The following ECPAS variants were observed in gnomAD, a reference collection of about 807,000 sequenced individuals.
ECPAS encodes the protein Ecm29 proteasome adaptor and scaffold, also known as proteasome adapter and scaffold protein ECM29.
ECPAS carries 70 observed loss-of-function variants against 255.1 expected under a neutral mutation model. The ratio of observed to expected loss-of-function variants is 0.27; its 90% confidence interval spans 0.23 to 0.33. The LOEUF (loss-of-function observed/expected upper bound fraction) is 0.33. Ranked by LOEUF, ECPAS falls within the 10% of genes least tolerant of loss-of-function variation. The pLI is 1.00. For synonymous variants in ECPAS, 784 were observed against 775.0 expected, an observed-to-expected ratio of 1.01 and a Z score of -0.19; for missense variants, 1,817 against 2,206.4, an observed-to-expected ratio of 0.82 and a Z score of 3.54.
chr9:111,374,387 C>T (rs190528739), intron 38 of ECPAS, among the ~76,000 whole-genome samples: 129 of 152,202 alleles, frequency 8.5e-4, no homozygotes, highest in African/African-American at 2.5e-3. Flanking sequence ...CATCACAGTG[C>T]TTTACTATTT....
At chr9:111,408,730 T>G in intron 23 of ECPAS, 58 bp from the exon 24 acceptor site, 1 of 1,029,348 alleles carries the variant, frequency 9.7e-7, no homozygotes, top group Non-Finnish European at 1.4e-6. Flanking sequence ...TTTACCCCAG[T>G]GCAGTATTTC....
intron 2 of ECPAS, among the ~76,000 whole-genome samples, chr9:111,464,310 A>T (rs1337527898): frequency 6.6e-6 from 1 of 151,312 alleles, no homozygotes; most frequent in East Asian, 1.9e-4. Context: ...GGTGGTATGC[A>T]CCTGTAGTCC....
intron 24 of ECPAS, among the ~76,000 whole-genome samples, chr9:111,401,552 GCAGA>G (rs1158970178): frequency 6.6e-5 from 10 of 152,228 alleles, no homozygotes; most frequent in African/African-American, 2.4e-4. Flanking sequence ...GGGTTTGAGA[GCAGA>G]CAATTAGTCT....
intron 3 of ECPAS, among the ~76,000 whole-genome samples, chr9:111,448,229 C>A (rs2098255849): frequency 6.6e-6 from 1 of 151,660 alleles, no homozygotes; most frequent in Admixed American, 6.6e-5. Flanking sequence ...GATGTAAATG[C>A]CCTCAACTCA....
intron 2 of ECPAS, among the ~76,000 whole-genome samples, chr9:111,457,428 T>C (rs1433956237): frequency 6.6e-6 from 1 of 151,906 alleles, no homozygotes; most frequent in Non-Finnish European, 1.5e-5. Flanking sequence ...ATGGGAGAGA[T>C]TAGGATTCAG....
intron 46 of ECPAS, among the ~76,000 whole-genome samples, chr9:111,367,732 A>G (rs2098122142): frequency 6.6e-6 from 1 of 152,184 alleles, no homozygotes; most frequent in African/African-American, 2.4e-5. Context: ...AATAATCAAC[A>G]GTACTTTTTA....
chr9:111,378,236 A>G (rs1215093844), intron 36 of ECPAS, among the ~76,000 whole-genome samples: 1 of 152,208 alleles, frequency 6.6e-6, no homozygotes, highest in Non-Finnish European at 1.5e-5. Context: ...CAATTTTGAG[A>G]TATGCCAAAG....
intron 2 of ECPAS, among the ~76,000 whole-genome samples, chr9:111,465,706 T>G (rs1365958961): frequency 6.6e-6 from 1 of 151,934 alleles, no homozygotes; most frequent in Non-Finnish European, 1.5e-5. Flanking sequence ...TCAAATATTT[T>G]TCAGTGAAAA....
Position 111,412,051 on chromosome 9 carries a change from A to T in ECPAS, c.2177T>A (p.Met726Lys). Residue 726 changes from methionine (M) to lysine (K), a missense_variant, in exon 21 of 50, where the codon ATG becomes AAG. Coordinates refer to ENST00000684092, the MANE Select transcript of ECPAS (RefSeq NM_001364929.1). ...STVSGNELKS[M>K]IEQLIKTTKD... Reference sequence around the variant, plus strand: ...TGTAGTCTTTATAAGCTGTTCTATCATTGATTTCAACTCATTCCCCGACAC... The same window carrying T: ...TGTAGTCTTTATAAGCTGTTCTATCTTTGATTTCAACTCATTCCCCGACAC... 1.3e-6 allele frequency: 2 copies of T among 1,587,074 alleles called. No individual in the cohort carries two copies. The highest frequency in any genetic ancestry group is 1.7e-6 in the Non-Finnish European group (2 of 1,172,708).
chr9:111,400,348 T>A (rs1181540043), intron 24 of ECPAS, among the ~76,000 whole-genome samples: 1 of 152,184 alleles, frequency 6.6e-6, no homozygotes, highest in East Asian at 1.9e-4. Context: ...AACTCTTCAA[T>A]GCCCAAACAC....
intron 24 of ECPAS, among the ~76,000 whole-genome samples, chr9:111,397,931 G>C (rs2098170054): frequency 6.6e-6 from 1 of 152,168 alleles, no homozygotes; most frequent in African/African-American, 2.4e-5. Flanking sequence ...ACCCACTCAA[G>C]TGTTTTAAAA....
chr9:111,481,428 C>T (rs996569122), intron 1 of ECPAS, among the ~76,000 whole-genome samples: 20 of 152,120 alleles, frequency 1.3e-4, no homozygotes, highest in African/African-American at 4.6e-4. Context: ...ATGGCGTGAA[C>T]CTGGGAGGCG....
intron 25 of ECPAS, among the ~76,000 whole-genome samples, chr9:111,394,981 T>G (rs1336118533): frequency 6.6e-6 from 1 of 152,218 alleles, no homozygotes; most frequent in Non-Finnish European, 1.5e-5. Context: ...CCTTCTCTTC[T>G]CCATAGAAAT....
rs966010232 is a variant in ECPAS, at chr9:111,372,532, G to T, written c.4425C>A (p.Val1475=). 1.2e-6 allele frequency: 2 copies of T among 1,613,664 alleles called. No individual in the cohort carries two copies. Among genetic ancestry groups the T allele is most frequent in the African/African-American group, 2.7e-5 (2 of 74,900 alleles). The change falls in exon 42 of 50, where the codon GTC becomes GTA. Residue 1475 remains valine, a synonymous_variant. Transcript: ENST00000684092. The stretch of plus-strand genomic sequence containing the variant: ...GCATGCCTAAAAATGCCAGAGGCAG[G>T]ACTTCTTTTGCATGATTCTTTAATA... ...PDVLKNHAKE[V]LPLAFLGMHE...
At chr9:111,375,941 C>T (rs565942804) in intron 37 of ECPAS, among the ~76,000 whole-genome samples, 1 of 152,222 alleles carries the variant, frequency 6.6e-6, no homozygotes, top group South Asian at 2.1e-4. Flanking sequence ...GCTAACTAAC[C>T]ATTACAGGGA....
rs1449732053 is a variant in ECPAS at position 111,422,124 on chromosome 9, G to A, written c.1332+10C>T. 5.0e-6 allele frequency: 8 copies of A among 1,613,640 alleles called. No homozygotes were observed. In the Admixed American group the frequency reaches 5.0e-5, roughly 10 times the overall value. On this transcript the variant is annotated intron_variant, in intron 14 of 49. Transcript: ENST00000684092. ...AACACAAAGCATAAACTTAGCAGCTGTTTCCCTACCTTGCAAAGGGCTTCA... is the reference window on the plus strand; with the variant it reads ...AACACAAAGCATAAACTTAGCAGCTATTTCCCTACCTTGCAAAGGGCTTCA...
Position 111,433,385 on chromosome 9 carries a change from G to A in ECPAS, c.709-13C>T. 1 of 1,613,748 alleles carries A rather than the reference G, an allele frequency of 6.2e-7. No homozygotes were observed. The highest frequency in any genetic ancestry group is 8.5e-7 in the Non-Finnish European group (1 of 1,179,778). ...TTCCCAATTTGCACTGTAGATAAATGAAGGGAAGGAGAAAGAACAGTCAGG... is the reference window on the plus strand; with the variant it reads ...TTCCCAATTTGCACTGTAGATAAATAAAGGGAAGGAGAAAGAACAGTCAGG... On this transcript the variant is annotated splice_polypyrimidine_tract_variant and intron_variant, in intron 7 of 49. Coordinates refer to ENST00000684092, the MANE Select transcript of ECPAS (RefSeq NM_001364929.1).
chr9:111,372,653 T>G, intron 41 of ECPAS, 33 bp from the exon 42 acceptor site: 1 of 1,533,560 alleles, frequency 6.5e-7, no homozygotes, highest in Non-Finnish European at 8.9e-7. Context: ...TTTACGATAT[T>G]TATTGTTTTT....
In ECPAS at chr9:111,370,736, C is replaced by G. The variant is rs764499058; in HGVS notation, c.4767G>C (p.Val1589=). The part of the protein sequence containing the change: ...KEELLKAIAC[V]VTACSAELEK... ...AGAACATTTACCTGCAAGCTGTCAC[C>G]ACACAGGCAATGGCTTTCAATAGCT... The change falls in exon 44 of 50, where the codon GTG becomes GTC. Residue 1589 remains valine, a synonymous_variant. Transcript: ENST00000684092. 124 of 1,607,678 alleles carry G rather than the reference C, an allele frequency of 7.7e-5. No individual in the cohort carries two copies. Among genetic ancestry groups the G allele is most frequent in the Non-Finnish European group, 1.0e-4 (118 of 1,177,054 alleles).
Sources: gnomAD v4.1 joint callset for allele counts (sites outside exome capture counted in the v4.1 genomes callset) on GRCh38, gnomAD v4.1.1 for gene constraint, MANE v1.5 for transcripts, NCBI Gene and HGNC (gene_info 2026-07-23, HGNC 2026-07-21) for gene names.